FYN: variants seen among roughly 807,000 people sequenced by gnomAD.
FYN encodes FYN proto-oncogene, Src family tyrosine kinase, also known as tyrosine-protein kinase Fyn.
FYN carries 10 observed loss-of-function variants against 70.2 expected under a neutral mutation model. The observed-to-expected ratio is 0.14, with a 90% CI of 0.09 to 0.24. The LOEUF (loss-of-function observed/expected upper bound fraction) is 0.24, where lower values mean the gene tolerates loss of function less well. Among genes scored for constraint, FYN ranks in the 10% least tolerant of loss-of-function variants. FYN has a pLI of 1.00. For synonymous variants in FYN, 236 were observed against 248.6 expected (o/e 0.95, Z 0.48); for missense variants, 319 against 673.1 (o/e 0.47, Z 5.82).
intron 3 of FYN, among the ~76,000 whole-genome samples, chr6:111,745,964 G>GT (rs1347546510): frequency 6.6e-6 from 1 of 152,216 alleles, no homozygotes; most frequent in East Asian, 1.9e-4. Context: ...GGAAGGCACT[G>GT]TATGTTTCTC....
chr6:111,865,052 A>G (rs577629326), intron 1 of FYN, among the ~76,000 whole-genome samples: 78 of 152,312 alleles, frequency 5.1e-4, no homozygotes, highest in Middle Eastern at 6.8e-3. Flanking sequence ...TTTTTGCAGT[A>G]TCACAGAAAG....
chr6:111,813,955 G>A (rs898782050), intron 2 of FYN: 6 of 152,328 alleles, frequency 3.9e-5, no homozygotes, highest in East Asian at 1.9e-4. Context: ...CAAGAAACCC[G>A]AGGGAGATGG....
intron 8 of FYN, among the ~76,000 whole-genome samples, chr6:111,701,743 A>G (rs1799847684): frequency 6.6e-6 from 1 of 152,196 alleles, no homozygotes; most frequent in Non-Finnish European, 1.5e-5. Flanking sequence ...TACAACATGC[A>G]GGCATTTTGA....
chr6:111,729,696 T>G (rs1801358432), intron 3 of FYN, among the ~76,000 whole-genome samples: 1 of 152,216 alleles, frequency 6.6e-6, no homozygotes, highest in Non-Finnish European at 1.5e-5. Flanking sequence ...AACTTACATT[T>G]ACTGAAATTA....
At chr6:111,678,148 GTGGT>G (rs1432516114) in intron 12 of FYN, among the ~76,000 whole-genome samples, 2 of 149,130 alleles carry the variant, frequency 1.3e-5, no homozygotes, top group African/African-American at 2.5e-5. Flanking sequence ...GTGTGTGTGT[GTGGT>G]GTGTGTACTT....
intron 3 of FYN, among the ~76,000 whole-genome samples, chr6:111,740,552 T>C (rs1270292685): frequency 1.3e-5 from 2 of 152,360 alleles, no homozygotes; most frequent in African/African-American, 4.8e-5. Context: ...AGAGTCATCT[T>C]TTTTTAAAGT....
chr6:111,703,919 A>G (rs1410730822), intron 7 of FYN, 80 bp downstream of exon 7: 8 of 1,096,902 alleles, frequency 7.3e-6, no homozygotes, highest in Non-Finnish European at 1.1e-5. Flanking sequence ...ATCCTTGTAC[A>G]TTAGAGATAA....
At chr6:111,680,927 C>A (rs1278741290) in intron 12 of FYN, among the ~76,000 whole-genome samples, 1 of 152,144 alleles carries the variant, frequency 6.6e-6, no homozygotes, top group African/African-American at 2.4e-5. Context: ...CCCCTGTGGG[C>A]TCTTCTTCTT....
At position 111,830,913 on chromosome 6, in the gene FYN, T is replaced by C. The variant is rs200641238; in HGVS notation, c.-82+15676A>G. Among the ~76,000 whole-genome samples, 36 of 138,324 alleles carry C rather than the reference T, an allele frequency of 2.6e-4. 1 individual carries two copies. Among genetic ancestry groups the C allele is most frequent in the African/African-American group, 1.0e-3 (36 of 34,382 alleles). 90.7% of individuals were successfully genotyped at this position (138,324 alleles called of 152,430 possible). Reference sequence around the variant, plus strand: ...ATATATAAAGATGGATTTGTAGACATTGTAGACACTGTAGACATGGGCATG... The same window carrying C: ...ATATATAAAGATGGATTTGTAGACACTGTAGACACTGTAGACATGGGCATG... On this transcript the variant is annotated intron_variant, in intron 2 of 13. Transcript: ENST00000354650.
chr6:111,752,402 T>C (rs921207802), intron 3 of FYN, among the ~76,000 whole-genome samples: 1 of 152,174 alleles, frequency 6.6e-6, no homozygotes, highest in African/African-American at 2.4e-5. Context: ...CAATTGTCAG[T>C]TGGAAGTTGT....
chr6:111,744,352 T>G lies in FYN; in HGVS notation c.-11-24290A>C, dbSNP rs566020984. On this transcript the variant is annotated intron_variant, in intron 3 of 13. Coordinates refer to ENST00000354650, the MANE Select transcript of FYN (RefSeq NM_002037.5). ...GACTTATTCCTTAAGTTTCATAACA[T>G]ATATTTCTGCAGTGGATGGCTGCTC... Among the ~76,000 whole-genome samples, 13 of 152,344 alleles carry G rather than the reference T, an allele frequency of 8.5e-5. No homozygotes were observed. The East Asian group carries it at 2.5e-3, about 29-fold the overall frequency.
chr6:111,771,129 G>C (rs1260787645), intron 3 of FYN, among the ~76,000 whole-genome samples: 1 of 152,094 alleles, frequency 6.6e-6, no homozygotes, highest in African/African-American at 2.4e-5. Flanking sequence ...ATGACCAACA[G>C]AGATCTTTAG....
chr6:111,686,611 A>G (rs1018588568), intron 12 of FYN, among the ~76,000 whole-genome samples: 1 of 152,222 alleles, frequency 6.6e-6, no homozygotes, highest in African/African-American at 2.4e-5. Context: ...CTTCTCTAGC[A>G]TGGGAAGAAT....
chr6:111,683,319 G>A (rs563144620), intron 12 of FYN, among the ~76,000 whole-genome samples: 44 of 152,268 alleles, frequency 2.9e-4, no homozygotes, highest in Non-Finnish European at 5.4e-4. Context: ...CTCTCCTTGC[G>A]GTGGGGAGGG....
At chr6:111,719,524 T>C (rs1199341281) in intron 4 of FYN, 4 of 292,626 alleles carry the variant, frequency 1.4e-5, no homozygotes, top group East Asian at 6.8e-5. Context: ...CTGAGAGTCA[T>C]TGACCTACAG....
chr6:111,841,946 T>C (rs926638949), intron 2 of FYN, among the ~76,000 whole-genome samples: 1 of 152,046 alleles, frequency 6.6e-6, no homozygotes, highest in Non-Finnish European at 1.5e-5. Flanking sequence ...AATGATTGCC[T>C]TTGAGTCTAA....
At chr6:111,810,012 T>C (rs562520161) in intron 2 of FYN, among the ~76,000 whole-genome samples, 1 of 152,288 alleles carries the variant, frequency 6.6e-6, no homozygotes, top group African/African-American at 2.4e-5. Context: ...TTCCTTACTT[T>C]ATAAAAAGCA....
intron 1 of FYN, among the ~76,000 whole-genome samples, chr6:111,867,458 G>GAAAAAAA (rs373634134): frequency 7.7e-4 from 54 of 70,460 alleles, no homozygotes; most frequent in African/African-American, 3.0e-3. Flanking sequence ...TCCGTCTCGG[G>GAAAAAAA]AAAAAAAAAA....
chr6:111,871,020 T>C (rs913034615), intron 1 of FYN, among the ~76,000 whole-genome samples: 1 of 152,194 alleles, frequency 6.6e-6, no homozygotes, highest in African/African-American at 2.4e-5. Context: ...ATTTAATGAA[T>C]CATAACTCTT....
Sources: gnomAD v4.1 joint callset for allele counts (sites outside exome capture counted in the v4.1 genomes callset) on GRCh38, gnomAD v4.1.1 for gene constraint, MANE v1.5 for transcripts, NCBI Gene and HGNC (gene_info 2026-07-23, HGNC 2026-07-21) for gene names.